NAV3: variants seen among roughly 807,000 people sequenced by gnomAD.
NAV3 encodes the protein neuron navigator 3, also known as pore membrane and/or filament interacting like protein 1.
In NAV3, 87 loss-of-function variants were observed where a neutral mutation model predicts 244.7. That is an observed-to-expected ratio of 0.36 (90% CI 0.30 to 0.42). The LOEUF (loss-of-function observed/expected upper bound fraction) is 0.42, where lower values mean the gene tolerates loss of function less well. Ranked by LOEUF, NAV3 falls within the 20% of genes least tolerant of loss-of-function variation. The pLI, the probability that NAV3 is intolerant of heterozygous loss-of-function variation, is 1.00. For missense variants in NAV3, 2,663 were observed against 2,893.3 expected (o/e 0.92, Z 1.83); for synonymous variants, 1,126 against 1,042.2 (o/e 1.08, Z -1.55).
At chr12:78,119,009 CAT>C (rs1375853060) in intron 14 of NAV3, among the ~76,000 whole-genome samples, 4 of 152,102 alleles carry the variant, frequency 2.6e-5, no homozygotes, top group Admixed American at 1.3e-4. Context: ...AATAGCAAAA[CAT>C]ATGTTTTCAT....
intron 2 of NAV3, among the ~76,000 whole-genome samples, chr12:77,716,242 A>G (rs1876355033): frequency 6.6e-6 from 1 of 151,888 alleles, no homozygotes; most frequent in Non-Finnish European, 1.5e-5. Context: ...TTGGACTTCA[A>G]GAAATCTAAT....
At chr12:77,787,819 T>C (rs1870977195) in intron 2 of NAV3, among the ~76,000 whole-genome samples, 1 of 152,318 alleles carries the variant, frequency 6.6e-6, no homozygotes, top group Non-Finnish European at 1.5e-5. Flanking sequence ...AAAGTTAACA[T>C]GGGTATAAAG....
chr12:77,642,872 A>T lies in NAV3; in HGVS notation c.72+70606A>T, dbSNP rs185319620. Among the ~76,000 whole-genome samples, 495 of 152,256 alleles carry T rather than the reference A, an allele frequency of 3.3e-3. 4 individuals carry two copies. Among genetic ancestry groups the T allele is most frequent in the Middle Eastern group, 0.017 (5 of 294 alleles). ...CTTATACTAGTTTATTATTAATATG[A>T]AAGCTAATTTTAATAAAACCTTATA... is the stretch of plus-strand genomic sequence containing the variant. On this transcript the variant is annotated intron_variant, in intron 2 of 8. Transcript: ENST00000550042.
intron 5 of NAV3, among the ~76,000 whole-genome samples, chr12:77,975,225 T>C (rs945420955): frequency 3.3e-5 from 5 of 152,266 alleles, no homozygotes; most frequent in South Asian, 2.1e-4. Flanking sequence ...ACCATTTTCA[T>C]TGGATTCACA....
chr12:78,167,466 A>G (rs1957826265), intron 23 of NAV3, among the ~76,000 whole-genome samples: 1 of 151,472 alleles, frequency 6.6e-6, no homozygotes, highest in Non-Finnish European at 1.5e-5. Flanking sequence ...TAGATATATG[A>G]GGTGCCAGGT....
chr12:77,781,788 C>T (rs1174600963), intron 2 of NAV3, among the ~76,000 whole-genome samples: 1 of 152,142 alleles, frequency 6.6e-6, no homozygotes, highest in African/African-American at 2.4e-5. Flanking sequence ...AAGCATGGTT[C>T]TTGGCAATAT....
chr12:77,955,324 C>G (rs1048139161), intron 3 of NAV3, among the ~76,000 whole-genome samples: 1 of 152,146 alleles, frequency 6.6e-6, no homozygotes, highest in Non-Finnish European at 1.5e-5. Context: ...ACCACATCCC[C>G]TCCTTCAGCA....
intron 15 of NAV3, 79 bp downstream of exon 15, chr12:78,120,024 G>A (rs1179593249): frequency 1.9e-6 from 2 of 1,034,526 alleles, no homozygotes; most frequent in Non-Finnish European, 2.7e-6. Context: ...ATAAATGTGT[G>A]TATATATATA....
chr12:77,584,982 G>A (rs1183190910), intron 2 of NAV3, among the ~76,000 whole-genome samples: 2 of 152,118 alleles, frequency 1.3e-5, no homozygotes, highest in Admixed American at 6.5e-5. Context: ...AATGCCTGAC[G>A]GATGATACAA....
At chr12:78,154,493 A>G (rs1317193721) in intron 22 of NAV3, among the ~76,000 whole-genome samples, 2 of 150,964 alleles carry the variant, frequency 1.3e-5, no homozygotes, top group East Asian at 3.9e-4. Context: ...GTGTGGCATC[A>G]TAGTAATTCT....
intron 9 of NAV3, among the ~76,000 whole-genome samples, chr12:78,034,469 G>A (rs1423288967): frequency 6.6e-6 from 1 of 152,154 alleles, no homozygotes; most frequent in Non-Finnish European, 1.5e-5. Flanking sequence ...TAAGCCCTCC[G>A]AGTGGTTCTG....
intron 1 of NAV3, among the ~76,000 whole-genome samples, chr12:77,854,246 A>C (rs952554762): frequency 1.4e-4 from 21 of 152,212 alleles, no homozygotes; most frequent in Admixed American, 2.6e-4. Context: ...TGGCTCCATT[A>C]GTTTCTAGAA....
intron 1 of NAV3, among the ~76,000 whole-genome samples, chr12:77,836,680 A>G (rs1032465323): frequency 1.3e-5 from 2 of 152,170 alleles, no homozygotes; most frequent in African/African-American, 4.8e-5. Flanking sequence ...CTTTCTCTTA[A>G]TGATGTAACA....
intron 1 of NAV3, among the ~76,000 whole-genome samples, chr12:77,935,222 T>C (rs1889209231): frequency 6.6e-6 from 1 of 151,492 alleles, no homozygotes; most frequent in South Asian, 2.1e-4. Context: ...CTGTCAGTAG[T>C]AAAAAAAAAT....
At chr12:77,676,272 T>C (rs948432478) in intron 2 of NAV3, among the ~76,000 whole-genome samples, 3 of 151,724 alleles carry the variant, frequency 2.0e-5, no homozygotes, top group Admixed American at 6.6e-5. Flanking sequence ...ACAGGCCCCA[T>C]TGTGCTAGCT....
At chr12:77,899,703 C>T (rs1057505841) in intron 1 of NAV3, among the ~76,000 whole-genome samples, 1 of 152,060 alleles carries the variant, frequency 6.6e-6, no homozygotes, top group Non-Finnish European at 1.5e-5. Context: ...CAAGGTGTTC[C>T]TGTATCTAAA....
At chr12:77,908,431 A>G (rs76746607) in intron 1 of NAV3, among the ~76,000 whole-genome samples, 21 of 152,188 alleles carry the variant, frequency 1.4e-4, no homozygotes, top group Non-Finnish European at 2.8e-4. Context: ...CCAAATGGGC[A>G]TCACTTACCA....
intron 2 of NAV3, among the ~76,000 whole-genome samples, chr12:77,620,343 C>T (rs183869514): frequency 1.2e-3 from 181 of 152,198 alleles, no homozygotes; most frequent in Non-Finnish European, 1.7e-3. Flanking sequence ...ATAATCATGA[C>T]GATGCTGGAC....
chr12:77,973,066 A>G (rs1893131745), intron 5 of NAV3, among the ~76,000 whole-genome samples: 1 of 152,316 alleles, frequency 6.6e-6, no homozygotes, highest in Middle Eastern at 3.4e-3. Context: ...ATGATAGTAC[A>G]TGTAAAAGAT....
Sources: allele counts gnomAD v4.1 joint callset (sites outside exome capture counted in the v4.1 genomes callset), GRCh38; gene constraint gnomAD v4.1.1; transcripts MANE v1.5; gene names NCBI Gene and HGNC (gene_info 2026-07-23, HGNC 2026-07-21).